The following MED13L variants were observed in gnomAD, a reference collection of about 807,000 sequenced individuals.
MED13L encodes mediator complex subunit 13L.
MED13L carries 7 observed loss-of-function variants against 220.9 expected under a neutral mutation model. That is an observed-to-expected ratio of 0.03 (90% CI 0.02 to 0.06). MED13L has a LOEUF of 0.06. Among genes scored for constraint, MED13L ranks in the 10% least tolerant of loss-of-function variants. MED13L has a pLI of 1.00. For synonymous variants in MED13L, 1,011 were observed against 1,015.2 expected, an observed-to-expected ratio of 1.00 and a Z score of 0.08; for missense variants, 1,965 against 2,760.5, an observed-to-expected ratio of 0.71 and a Z score of 6.46.
Position 115,987,149 on chromosome 12 carries a change from A to G in MED13L, c.4074T>C (p.Thr1358=). 1 of 1,614,156 alleles carries G rather than the reference A, an allele frequency of 6.2e-7. No homozygotes were observed. Among genetic ancestry groups the G allele is most frequent in the Non-Finnish European group, 8.5e-7 (1 of 1,179,996 alleles). ...CTGCCATTTTATGGAACTGCTGCCA[A>G]GTGAGTGGTCCCTGCACATGCTGGA... ...ENIQHVQGPL[T]WQQFHKMAGR... The change falls in exon 18 of 31, where the codon ACT becomes ACC. Residue 1358 remains threonine (T), a synonymous_variant. Transcript: ENST00000281928.
Position 116,008,427 on chromosome 12 carries a change from T to C in MED13L, c.1986A>G (p.Val662=), listed in dbSNP as rs746367613. Residue 662 remains valine, a synonymous_variant, in exon 10 of 31, where the codon GTA becomes GTG. Transcript: ENST00000281928. ...TTTGCAATGCAGTGCTCTCTGAGTT[T>C]ACCTCCATTTTGGCATCACATCTCT... ...QGERCDAKME[V]NSESTALQRL... 1.9e-6 allele frequency: 3 copies of C among 1,611,866 alleles called. No individual in the cohort carries two copies. In the South Asian group the frequency reaches 3.3e-5, roughly 18 times the overall value.
chr12:116,167,876 T>C (rs1227794257), intron 2 of MED13L, among the ~76,000 whole-genome samples: 5 of 152,204 alleles, frequency 3.3e-5, no homozygotes, highest in Non-Finnish European at 7.4e-5. Context: ...TTAATACAAA[T>C]CTATATGAAT....
intron 4 of MED13L, among the ~76,000 whole-genome samples, chr12:116,037,795 T>C (rs1488102913): frequency 6.6e-6 from 1 of 152,166 alleles, no homozygotes; most frequent in Non-Finnish European, 1.5e-5. Flanking sequence ...GAGCAAGTGA[T>C]AGTGAAGAGG....
chr12:115,991,837 T>C lies in MED13L; in HGVS notation c.3117A>G (p.Pro1039=). The change falls in exon 17 of 31, where the codon CCA becomes CCG. Residue 1039 remains proline (P), a synonymous_variant. Coordinates refer to ENST00000281928, the MANE Select transcript of MED13L (RefSeq NM_015335.5). The surrounding 1 kb of genome is among the most constrained non-coding windows in gnomAD (Gnocchi z 7.7). ...CAGAGAAGCGAGGGGTTGCTGGAGATGGTAGGACTCCTGCCCCACTATTGC... is the reference window on the plus strand; with the variant it reads ...CAGAGAAGCGAGGGGTTGCTGGAGACGGTAGGACTCCTGCCCCACTATTGC... ...PASNSGAGVL[P]SPATPRFSVP... 1 of 1,611,384 alleles carries C rather than the reference T, an allele frequency of 6.2e-7. No homozygotes were observed.
intron 2 of MED13L, among the ~76,000 whole-genome samples, chr12:116,190,890 G>A (rs1027859222): frequency 3.9e-5 from 6 of 152,018 alleles, no homozygotes; most frequent in Non-Finnish European, 8.8e-5. Flanking sequence ...TCAGAAGTTC[G>A]AGACCAGCCT....
At chr12:116,067,183 T>C (rs1368905187) in intron 4 of MED13L, among the ~76,000 whole-genome samples, 1 of 152,228 alleles carries the variant, frequency 6.6e-6, no homozygotes, top group Admixed American at 6.5e-5. Flanking sequence ...ATTTTTATTA[T>C]ACACTCCTAT....
intron 2 of MED13L, among the ~76,000 whole-genome samples, chr12:116,180,791 TACAC>T (rs1436534058): frequency 6.6e-6 from 1 of 152,218 alleles, no homozygotes; most frequent in East Asian, 1.9e-4. Context: ...TTTAAAGTGA[TACAC>T]AGTAAGATAT....
intron 5 of MED13L, among the ~76,000 whole-genome samples, chr12:116,020,208 T>C (rs1448711972): frequency 2.0e-5 from 3 of 152,166 alleles, no homozygotes; most frequent in African/African-American, 7.2e-5. Flanking sequence ...CAAGTGATGC[T>C]CCCGCCTTAG....
At chr12:115,966,320 T>C (rs1876157152) in intron 28 of MED13L, 77 bp from the exon 29 acceptor site, 1 of 1,504,630 alleles carries the variant, frequency 6.6e-7, no homozygotes, top group African/African-American at 1.4e-5. Flanking sequence ...CAGTTCACTC[T>C]GCACACTGCA....
At chr12:116,048,460 C>G (rs1881968400) in intron 4 of MED13L, among the ~76,000 whole-genome samples, 2 of 152,126 alleles carry the variant, frequency 1.3e-5, no homozygotes, top group South Asian at 4.1e-4. Context: ...GGAGTCAAAA[C>G]ATTAGGCTAG....
At chr12:116,162,383 C>T (rs986161073) in intron 2 of MED13L, among the ~76,000 whole-genome samples, 3 of 152,100 alleles carry the variant, frequency 2.0e-5, no homozygotes, top group Non-Finnish European at 4.4e-5. Flanking sequence ...CAATTAGATA[C>T]ATAACTAAAT....
At chr12:116,152,794 C>T (rs978813438) in intron 2 of MED13L, among the ~76,000 whole-genome samples, 1 of 152,026 alleles carries the variant, frequency 6.6e-6, no homozygotes, top group East Asian at 1.9e-4. Flanking sequence ...ATGAGACTTG[C>T]TTTAAAACTT....
At chr12:116,216,531 G>A (rs955336578) in intron 2 of MED13L, among the ~76,000 whole-genome samples, 2 of 152,170 alleles carry the variant, frequency 1.3e-5, no homozygotes, top group Non-Finnish European at 2.9e-5. Flanking sequence ...GGACAGAGAT[G>A]CTTCTGGAAG....
At chr12:116,141,126 A>G (rs1418414081) in intron 2 of MED13L, among the ~76,000 whole-genome samples, 2 of 152,210 alleles carry the variant, frequency 1.3e-5, no homozygotes, top group Admixed American at 6.5e-5. Context: ...ATTAACCTTC[A>G]AACCACAACC....
chr12:116,099,972 T>TA (rs1349832205), intron 3 of MED13L, among the ~76,000 whole-genome samples: 2 of 152,118 alleles, frequency 1.3e-5, no homozygotes, highest in African/African-American at 4.8e-5. Context: ...ACAAATAACT[T>TA]AGATGATTTT....
intron 1 of MED13L, among the ~76,000 whole-genome samples, chr12:116,267,068 T>G (rs1255854625): frequency 6.6e-6 from 1 of 152,174 alleles, no homozygotes; most frequent in Non-Finnish European, 1.5e-5. Flanking sequence ...AATCTCAAAG[T>G]GTTAATAGAA....
chr12:116,127,210 T>A (rs145199970), intron 2 of MED13L, among the ~76,000 whole-genome samples: 3,123 of 152,314 alleles, frequency 0.021, 58 homozygotes, highest in Middle Eastern at 0.051. Flanking sequence ...TTGCCTGTAG[T>A]ATTTCTTGGG....
chr12:116,239,030 G>A (rs763579838), intron 1 of MED13L, among the ~76,000 whole-genome samples: 5 of 152,180 alleles, frequency 3.3e-5, no homozygotes, highest in African/African-American at 7.2e-5. Flanking sequence ...GGAAGGCGGA[G>A]GTTGCAGTGA....
At chr12:116,187,066 A>G (rs1436919785) in intron 2 of MED13L, among the ~76,000 whole-genome samples, 3 of 152,038 alleles carry the variant, frequency 2.0e-5, no homozygotes, top group African/African-American at 7.3e-5. Flanking sequence ...TCCTACCCAC[A>G]CTTGCCCCCA....
Sources: gnomAD v4.1 joint callset for allele counts (sites outside exome capture counted in the v4.1 genomes callset) on GRCh38, gnomAD v4.1.1 for gene constraint, Gnocchi (gnomAD v3.1) non-coding constraint, MANE v1.5 for transcripts, NCBI Gene and HGNC (gene_info 2026-07-23, HGNC 2026-07-21) for gene names.